Variants in CHST13 observed in about 807,000 individuals in gnomAD.
The protein encoded by CHST13 is carbohydrate sulfotransferase 13.
A neutral mutation model predicts 7.0 loss-of-function variants in CHST13; 1 was observed. The ratio of observed to expected loss-of-function variants is 0.14; its 90% CI spans 0.05 to 0.68. The LOEUF is 0.68. CHST13 is among the 30% of genes least tolerant of loss of function. CHST13 has a pLI of 0.82. For missense variants in CHST13, 572 were observed against 507.9 expected (o/e 1.13, Z -1.21); for synonymous variants, 257 against 240.9 (o/e 1.07, Z -0.62).
chr3:126,540,970 G>T (rs1177655195), intron 2 of CHST13, among the ~76,000 whole-genome samples: 1 of 152,298 alleles, frequency 6.6e-6, no homozygotes, highest in African/African-American at 2.4e-5. Flanking sequence ...ATAGGCAGGG[G>T]TGTTAATCTT....
In CHST13 at chr3:126,541,998, T is replaced by G; in HGVS notation, c.446T>G (p.Leu149Arg). Residue 149 changes from leucine (L) to arginine (R), a missense_variant, in exon 3 of 3, where the codon CTG (leucine) becomes CGG (arginine). Transcript: ENST00000319340. ...CAAGAGGCGCACGCGCCTGGCCGCC[T>G]GCCCTCACTGGCCGACTTCAGCCCC... is the stretch of plus-strand genomic sequence containing the variant. Reference protein sequence around the residue: ...SAQEAHAPGRLPSLADFSPAE... With the variant: ...SAQEAHAPGRRPSLADFSPAE... 1 of 1,561,048 alleles carries G rather than the reference T, an allele frequency of 6.4e-7. No homozygotes were observed. Among genetic ancestry groups the G allele is most frequent in the Non-Finnish European group, 8.6e-7 (1 of 1,158,252 alleles).
intron 1 of CHST13, among the ~76,000 whole-genome samples, chr3:126,531,327 C>T (rs1324915089): frequency 6.6e-6 from 1 of 152,242 alleles, no homozygotes; most frequent in African/African-American, 2.4e-5. Flanking sequence ...AGACCTGTTC[C>T]TCAGATTTCC....
Position 126,542,293 on chromosome 3 carries a change from G to A in CHST13, c.741G>A (p.Trp247Ter), listed in dbSNP as rs1320176012. ...TRREEPFNEH[W>*]ERAHALCHPC... ...GTGAGGAGCCCTTCAACGAGCACTG[G>A]GAGCGCGCGCACGCGCTCTGCCACC... Residue 247 changes from tryptophan to a stop codon, truncating the protein, a stop_gained, in exon 3 of 3, where the codon TGG (tryptophan) becomes TGA (stop). Coordinates refer to ENST00000319340, the MANE Select transcript of CHST13 (RefSeq NM_152889.3). LOFTEE classifies it low-confidence loss of function (END_TRUNC). 1.3e-6 allele frequency: 2 copies of A among 1,566,966 alleles called. No individual in the cohort carries two copies. The highest frequency in any genetic ancestry group is 1.1e-5 in the South Asian group (1 of 87,016).
intron 2 of CHST13, among the ~76,000 whole-genome samples, chr3:126,537,253 C>G (rs1560140980): frequency 6.6e-6 from 1 of 152,318 alleles, no homozygotes; most frequent in East Asian, 1.9e-4. Context: ...GGCCAAGCGC[C>G]ACAGGCAGAG....
intron 1 of CHST13, among the ~76,000 whole-genome samples, chr3:126,532,355 A>C (rs565239639): frequency 1.3e-5 from 2 of 152,338 alleles, no homozygotes; most frequent in Non-Finnish European, 2.9e-5. Flanking sequence ...ATCCAAGGTC[A>C]TGGAGATTTA....
In CHST13 at chr3:126,524,326, G is replaced by A. The variant is rs1936492038; in HGVS notation, c.-7G>A. 1 of 1,234,472 alleles carries A rather than the reference G, an allele frequency of 8.1e-7. No individual in the cohort carries two copies. The highest frequency in any genetic ancestry group is 3.4e-5 in the South Asian group (1 of 29,330). The allele number at this position is 1,234,472 out of a possible 1,614,324, so 76.5% of individuals were successfully genotyped here. ...CGGACTGTCCTCCGCCGCGCGCCCGGCACAGCATGGGGAGGCGCTGCTGCC... is the reference window on the plus strand; with the variant it reads ...CGGACTGTCCTCCGCCGCGCGCCCGACACAGCATGGGGAGGCGCTGCTGCC... On this transcript the variant is annotated 5_prime_UTR_variant, in exon 1 of 3. Transcript: ENST00000319340.
chr3:126,542,384 C>G lies in CHST13; in HGVS notation c.832C>G (p.Leu278Val). The G allele has an allele frequency of 6.4e-7, 1 of 1,558,260 alleles. No individual in the cohort carries two copies. Among genetic ancestry groups the G allele is most frequent in the South Asian group, 1.2e-5 (1 of 84,616 alleles). ...ETLAEDAAFV[L>V]GLAGASDLSF... ...GCTGGCGGAGGACGCGGCCTTCGTG[C>G]TGGGCCTGGCGGGCGCATCCGACCT... Residue 278 changes from leucine to valine, a missense_variant, in exon 3 of 3, where the codon CTG (leucine) becomes GTG (valine). Leu to Val is a conservative substitution (Grantham distance 32). Transcript: ENST00000319340.
At chr3:126,540,997 G>A (rs1576237235) in intron 2 of CHST13, among the ~76,000 whole-genome samples, 1 of 152,342 alleles carries the variant, frequency 6.6e-6, no homozygotes, top group Admixed American at 6.5e-5. Context: ...AAGAACCCCG[G>A]GTGGGGCAGG....
At position 126,541,979 on chromosome 3, in the gene CHST13, G is replaced by C; in HGVS notation, c.427G>C (p.Ala143Pro). The change falls in exon 3 of 3, where the codon GCG becomes CCG. Residue 143 changes from alanine to proline, a missense_variant. Ala to Pro is a conservative substitution (Grantham distance 27). Coordinates refer to ENST00000319340, the MANE Select transcript of CHST13 (RefSeq NM_152889.3). The part of the protein sequence containing the change: ...GDPRAISAQE[A>P]HAPGRLPSLA... ...CCCGCGCGCCATCTCCGCGCAAGAG[G>C]CGCACGCGCCTGGCCGCCTGCCCTC... The C allele has an allele frequency of 1.3e-6, 2 of 1,573,526 alleles. No individual in the cohort carries two copies. Among genetic ancestry groups the C allele is most frequent in the Non-Finnish European group, 1.7e-6 (2 of 1,163,398 alleles).
intron 1 of CHST13, among the ~76,000 whole-genome samples, chr3:126,530,678 C>A (rs551992672): frequency 6.6e-6 from 1 of 152,256 alleles, no homozygotes; most frequent in Non-Finnish European, 1.5e-5. Flanking sequence ...CCTGGGTCTC[C>A]CTGCACCAGC....
chr3:126,524,813 C>T (rs1181181848), intron 1 of CHST13, among the ~76,000 whole-genome samples: 2 of 152,194 alleles, frequency 1.3e-5, no homozygotes, highest in Non-Finnish European at 2.9e-5. Flanking sequence ...TGGGCGCATG[C>T]GCATAGGAGG....
intron 1 of CHST13, chr3:126,529,371 G>C (rs1347926473): frequency 7.8e-7 from 1 of 1,289,216 alleles, no homozygotes; most frequent in Non-Finnish European, 1.0e-6. Context: ...GGGCCCACTT[G>C]CCTACGGATG....
chr3:126,539,221 G>A (rs1329851971), intron 2 of CHST13, among the ~76,000 whole-genome samples: 2 of 152,142 alleles, frequency 1.3e-5, no homozygotes, highest in Admixed American at 1.3e-4. Flanking sequence ...TCCCAGCCTT[G>A]TGGATTCTGT....
At chr3:126,539,493 AC>A (rs2107570927) in intron 2 of CHST13, among the ~76,000 whole-genome samples, 1 of 143,796 alleles carries the variant, frequency 7.0e-6, no homozygotes, top group East Asian at 2.1e-4. Context: ...ACACATATGT[AC>A]CCCACACCAC....
rs1576239478 is a variant in CHST13, at chr3:126,542,715, G to A, written c.*137G>A. 6 of 1,285,472 alleles carry A rather than the reference G, an allele frequency of 4.7e-6. No individual in the cohort carries two copies. The highest frequency in any genetic ancestry group is 1.6e-5 in the African/African-American group (1 of 63,672). 79.6% of individuals were successfully genotyped at this position (1,285,472 alleles called of 1,614,324 possible). A position where few individuals can be genotyped will look rare whatever the true frequency, so the allele number is the denominator to read the frequency against. ...TCACCTGGCCGCCGGGCCAGCGGGCGCAGGGCACACCTGGCCAGGCTTGGG... is the reference window on the plus strand; with the variant it reads ...TCACCTGGCCGCCGGGCCAGCGGGCACAGGGCACACCTGGCCAGGCTTGGG... On this transcript the variant is annotated 3_prime_UTR_variant, in exon 3 of 3. Coordinates refer to ENST00000319340, the MANE Select transcript of CHST13 (RefSeq NM_152889.3).
At position 126,539,724 on chromosome 3, in the gene CHST13, CCCA is replaced by C. The variant is rs1484328738; in HGVS notation, c.181-2007_181-2005del. Reference sequence around the variant, plus strand: ...CCACACACATATGCCACACACACCCCCCACACCACACACACACCCCACACCACA... The same window carrying C: ...CCACACACATATGCCACACACACCCCCACCACACACACACCCCACACCACA... On this transcript the variant is annotated intron_variant, in intron 2 of 2. Transcript: ENST00000319340. 4.2e-3 allele frequency among the ~76,000 whole-genome samples: 492 copies of C among 116,694 alleles called. 6 individuals are homozygous for C. Among genetic ancestry groups the C allele is most frequent in the African/African-American group, 0.015 (452 of 29,746 alleles). The allele number at this position is 116,694 out of a possible 152,430, so 76.6% of individuals were successfully genotyped here.
chr3:126,524,519 GA>G (rs1239513456), intron 1 of CHST13, 90 bp downstream of exon 1: 1 of 412,358 alleles, frequency 2.4e-6, no homozygotes, highest in African/African-American at 2.1e-5. Context: ...CAGCGCGGGG[GA>G]CACCTGTTGT....
chr3:126,540,162 G>A, intron 2 of CHST13, among the ~76,000 whole-genome samples: 1 of 152,198 alleles, frequency 6.6e-6, no homozygotes, highest in African/African-American at 2.4e-5. Context: ...TGGCTCTGGT[G>A]TTCCTCCAAA....
intron 1 of CHST13, among the ~76,000 whole-genome samples, chr3:126,533,547 C>G (rs1936702165): frequency 1.3e-5 from 2 of 152,220 alleles, no homozygotes; most frequent in South Asian, 4.1e-4. Context: ...GTATATTTAG[C>G]CAATCTTGCA....
Sources: allele counts gnomAD v4.1 joint callset (sites outside exome capture counted in the v4.1 genomes callset), GRCh38; gene constraint gnomAD v4.1.1; transcripts MANE v1.5; gene names NCBI Gene and HGNC (gene_info 2026-07-23, HGNC 2026-07-21).